Variants in HEBP2 observed in about 807,000 individuals in gnomAD.
HEBP2 encodes heme binding protein 2, also known as heme-binding protein 2.
A neutral mutation model predicts 23.1 loss-of-function variants in HEBP2; 27 were observed. The observed-to-expected ratio is 1.17, with a 90% CI of 0.86 to 1.61. The LOEUF (loss-of-function observed/expected upper bound fraction) is 1.61, where lower values mean the gene tolerates loss of function less well. HEBP2 is among the 40% of genes most tolerant of loss of function. HEBP2 has a pLI of 0.00. For synonymous variants in HEBP2, 99 were observed against 95.1 expected, an observed-to-expected ratio of 1.04 and a Z score of -0.24; for missense variants, 245 against 253.8, an observed-to-expected ratio of 0.97 and a Z score of 0.24.
At position 138,415,155 on chromosome 6, in the gene HEBP2, T is replaced by TA. The variant is rs1357854058; in HGVS notation, c.*2078dup. 2 of 152,284 alleles carry TA rather than the reference T, an allele frequency of 1.3e-5. No individual in the cohort carries two copies. The highest frequency in any genetic ancestry group is 4.8e-5 in the African/African-American group (2 of 41,468). 9.4% of individuals were successfully genotyped at this position (152,284 alleles called of 1,614,324 possible). The stretch of plus-strand genomic sequence containing the variant: ...GGCTGCTAGAGACTTTGTTAGATCC[T>TA]ACCGTTCCTCTGCTCAATCCTGCTT... On this transcript the variant is annotated 3_prime_UTR_variant, in exon 4 of 4. Transcript: ENST00000607197.
rs1443075218 is a variant in HEBP2, at chr6:138,419,257, A to AAT, written c.*6181_*6182dup. 3 of 152,182 alleles carry AAT rather than the reference A, an allele frequency of 2.0e-5. No homozygotes were observed. Among genetic ancestry groups the AAT allele is most frequent in the Admixed American group, 1.3e-4 (2 of 15,280 alleles). 9.4% of individuals were successfully genotyped at this position (152,182 alleles called of 1,614,324 possible). ...GTGACTATCCAACCTGCCTGCAACA[A>AAT]ATACCAATGCTGAGACCCTGATGAG... On this transcript the variant is annotated 3_prime_UTR_variant, in exon 4 of 4. Coordinates refer to ENST00000607197, the MANE Select transcript of HEBP2 (RefSeq NM_014320.3).
rs1774802393 is a variant in HEBP2 at position 138,414,175 on chromosome 6, G to C, written c.*1097G>C. 1 of 152,388 alleles carries C rather than the reference G, an allele frequency of 6.6e-6. No homozygotes were observed. The highest frequency in any genetic ancestry group is 2.4e-5 in the African/African-American group (1 of 41,446). 9.4% of individuals were successfully genotyped at this position (152,388 alleles called of 1,614,324 possible). On this transcript the variant is annotated 3_prime_UTR_variant, in exon 4 of 4. Coordinates refer to ENST00000607197, the MANE Select transcript of HEBP2 (RefSeq NM_014320.3). ...TTGGGCAGAGGTGACAGTGTTAAAGGGAGAGGCCACGTTCAGTACCCAGAA... is the reference window on the plus strand; with the variant it reads ...TTGGGCAGAGGTGACAGTGTTAAAGCGAGAGGCCACGTTCAGTACCCAGAA...
Position 138,404,561 on chromosome 6 carries a change from G to A in HEBP2, c.66G>A (p.Thr22=). ...AEDAAAQAVE[T]PGWKAPEDAG... ...ACGCGGCGGCCCAAGCTGTGGAGAC[G>A]CCGGGCTGGAAGGCCCCGGAGGACG... The change falls in exon 1 of 4, where the codon ACG becomes ACA. Residue 22 remains threonine, a synonymous_variant. Transcript: ENST00000607197. 7.7e-7 allele frequency: 1 copy of A among 1,300,230 alleles called. No homozygotes were observed. Among genetic ancestry groups the A allele is most frequent in the Non-Finnish European group, 9.8e-7 (1 of 1,023,410 alleles). The allele number at this position is 1,300,230 out of a possible 1,614,324, so 80.5% of individuals were successfully genotyped here.
chr6:138,407,961 GC>G (rs1774678756), intron 3 of HEBP2, among the ~76,000 whole-genome samples: 1 of 152,156 alleles, frequency 6.6e-6, no homozygotes, highest in African/African-American at 2.4e-5. Flanking sequence ...GAGTTCCAAG[GC>G]CCCCCAGGTG....
Position 138,417,982 on chromosome 6 carries a change from C to T in HEBP2, c.*4904C>T, listed in dbSNP as rs554937523. On this transcript the variant is annotated 3_prime_UTR_variant, in exon 4 of 4. Coordinates refer to ENST00000607197, the MANE Select transcript of HEBP2 (RefSeq NM_014320.3). ...GACCAAAGGCTTCTTTGGACTTCCC[C>T]TAACAAAGCTTAAAGACAAGCCTTG... The T allele has an allele frequency of 2.6e-5, 4 of 152,220 alleles. No homozygotes were observed. Among genetic ancestry groups the T allele is most frequent in the African/African-American group, 9.6e-5 (4 of 41,524 alleles). The allele number at this position is 152,220 out of a possible 1,614,324, so 9.4% of individuals were successfully genotyped here. A position where few individuals can be genotyped will look rare whatever the true frequency, so the allele number is the denominator to read the frequency against.
rs1774772112 is a variant in HEBP2, at chr6:138,412,863, T to C, written c.420-17T>C. 1 of 1,603,774 alleles carries C rather than the reference T, an allele frequency of 6.2e-7. No homozygotes were observed. Among genetic ancestry groups the C allele is most frequent in the African/African-American group, 1.3e-5 (1 of 74,766 alleles). ...AGTATTAAAATCATTCACGGTTATT[T>C]CCTTTCTCCTTTGTAGGTCTTTCGA... On this transcript the variant is annotated splice_polypyrimidine_tract_variant and intron_variant, in intron 3 of 3. Coordinates refer to ENST00000607197, the MANE Select transcript of HEBP2 (RefSeq NM_014320.3).
At chr6:138,409,172 A>G (rs150022275) in intron 3 of HEBP2, among the ~76,000 whole-genome samples, 75 of 152,168 alleles carry the variant, frequency 4.9e-4, no homozygotes, top group Middle Eastern at 6.8e-3. Flanking sequence ...TGCCACCACC[A>G]TGCCCAGCTA....
rs1774596553 is a variant in HEBP2 at position 138,404,409 on chromosome 6, CGGCGGGGCGCGCACACGCA to C, written c.-77_-59del. On this transcript the variant is annotated 5_prime_UTR_variant, in exon 1 of 4. Coordinates refer to ENST00000607197, the MANE Select transcript of HEBP2 (RefSeq NM_014320.3). ...TCTGCGGAGCGGGGACTCGGGGCCT[CGGCGGGGCGCGCACACGCA>C]GGCGGGGCGGCCCGGGGTGCGGGGC... 8.6e-6 allele frequency: 8 copies of C among 930,572 alleles called. No individual in the cohort carries two copies. The highest frequency in any genetic ancestry group is 1.7e-5 in the African/African-American group (1 of 57,276). The allele number at this position is 930,572 out of a possible 1,614,324, so 57.6% of individuals were successfully genotyped here.
intron 3 of HEBP2, among the ~76,000 whole-genome samples, chr6:138,409,480 C>T (rs1774707530): frequency 6.6e-6 from 1 of 152,242 alleles, no homozygotes. Flanking sequence ...AGGGACCGCA[C>T]TAAGTCATCT....
In HEBP2 at chr6:138,415,219, G is replaced by C. The variant is rs1372576330; in HGVS notation, c.*2141G>C. 2 of 152,112 alleles carry C rather than the reference G, an allele frequency of 1.3e-5. No individual in the cohort carries two copies. Among genetic ancestry groups the C allele is most frequent in the Non-Finnish European group, 2.9e-5 (2 of 68,060 alleles). 9.4% of individuals were successfully genotyped at this position (152,112 alleles called of 1,614,324 possible). On this transcript the variant is annotated 3_prime_UTR_variant, in exon 4 of 4. Coordinates refer to ENST00000607197, the MANE Select transcript of HEBP2 (RefSeq NM_014320.3). ...TCAGAGATGTCACTTCACCAGTTTT[G>C]TACTCCTAACTCCATCTCAGCCTAA...
chr6:138,404,581 A>G lies in HEBP2; in HGVS notation c.86A>G (p.Glu29Gly), dbSNP rs1319368235. ...GAGACGCCGGGCTGGAAGGCCCCGG[A>G]GGACGCCGGCCCCCAGGTAGGCGCC... ...AVETPGWKAP[E>G]DAGPQPGSYE... The change falls in exon 1 of 4, where the codon GAG becomes GGG. Residue 29 changes from glutamate (E) to glycine (G), a missense_variant. Coordinates refer to ENST00000607197, the MANE Select transcript of HEBP2 (RefSeq NM_014320.3). The G allele has an allele frequency of 2.3e-6, 3 of 1,299,398 alleles. No individual in the cohort carries two copies. Among genetic ancestry groups the G allele is most frequent in the Admixed American group, 8.1e-5 (2 of 24,562 alleles). The allele number at this position is 1,299,398 out of a possible 1,614,324, so 80.5% of individuals were successfully genotyped here. A position where few individuals can be genotyped will look rare whatever the true frequency, so the allele number is the denominator to read the frequency against.
In HEBP2 at chr6:138,419,425, C is replaced by T. The variant is rs765316579; in HGVS notation, c.*6347C>T. ...CCTTTCGGGCCTACAGGGTCCTGAACACAATCTAAGGACTTACAAAACATC... is the reference window on the plus strand; with the variant it reads ...CCTTTCGGGCCTACAGGGTCCTGAATACAATCTAAGGACTTACAAAACATC... On this transcript the variant is annotated 3_prime_UTR_variant, in exon 4 of 4. Transcript: ENST00000607197. 6.6e-6 allele frequency: 1 copy of T among 152,208 alleles called. No homozygotes were observed. The highest frequency in any genetic ancestry group is 1.5e-5 in the Non-Finnish European group (1 of 68,060). 9.4% of individuals were successfully genotyped at this position (152,208 alleles called of 1,614,324 possible).
chr6:138,411,995 C>A, intron 3 of HEBP2: 1 of 411,546 alleles, frequency 2.4e-6, no homozygotes, highest in South Asian at 1.7e-5. Context: ...GCTGCCAGAA[C>A]GTTGATCTCT....
At chr6:138,406,251 C>A in intron 3 of HEBP2, 100 bp downstream of exon 3, 1 of 1,065,406 alleles carries the variant, frequency 9.4e-7, no homozygotes, top group Non-Finnish European at 1.4e-6. Flanking sequence ...TTTCACCCTT[C>A]CATAAAATCA....
Position 138,417,246 on chromosome 6 carries a change from G to C in HEBP2, c.*4168G>C, listed in dbSNP as rs570388852. On this transcript the variant is annotated 3_prime_UTR_variant, in exon 4 of 4. Transcript: ENST00000607197. ...TGTATAATTGAGACTGACATCCTTG[G>C]CAGGCAGAATAACCCCTACATTTGT... 1 of 152,212 alleles carries C rather than the reference G, an allele frequency of 6.6e-6. No individual in the cohort carries two copies. The highest frequency in any genetic ancestry group is 6.5e-5 in the Admixed American group (1 of 15,284). The allele number at this position is 152,212 out of a possible 1,614,324, so 9.4% of individuals were successfully genotyped here. A position where few individuals can be genotyped will look rare whatever the true frequency, so the allele number is the denominator to read the frequency against.
rs1173971087 is a variant in HEBP2 at position 138,417,257 on chromosome 6, A to G, written c.*4179A>G. ...GACTGACATCCTTGGCAGGCAGAAT[A>G]ACCCCTACATTTGTTCCTTGACCTG... On this transcript the variant is annotated 3_prime_UTR_variant, in exon 4 of 4. Transcript: ENST00000607197. 6.6e-6 allele frequency: 1 copy of G among 152,244 alleles called. No individual in the cohort carries two copies. The highest frequency in any genetic ancestry group is 1.5e-5 in the Non-Finnish European group (1 of 68,038). 9.4% of individuals were successfully genotyped at this position (152,244 alleles called of 1,614,324 possible). A position where few individuals can be genotyped will look rare whatever the true frequency, so the allele number is the denominator to read the frequency against.
At chr6:138,407,758 A>G (rs1255874311) in intron 3 of HEBP2, among the ~76,000 whole-genome samples, 1 of 152,200 alleles carries the variant, frequency 6.6e-6, no homozygotes, top group Non-Finnish European at 1.5e-5. Flanking sequence ...GGAGGTAGCC[A>G]CACCCCCACA....
rs1379317567 is a variant in HEBP2 at position 138,418,756 on chromosome 6, T to C, written c.*5678T>C. On this transcript the variant is annotated 3_prime_UTR_variant, in exon 4 of 4. Transcript: ENST00000607197. Reference sequence around the variant, plus strand: ...ATCTTCTGTAGTTGCAAGCTGAAAATGGACCTTCACTCAAAGGTGACATTG... The same window carrying C: ...ATCTTCTGTAGTTGCAAGCTGAAAACGGACCTTCACTCAAAGGTGACATTG... 1.3e-5 allele frequency: 2 copies of C among 152,114 alleles called. No individual in the cohort carries two copies. The highest frequency in any genetic ancestry group is 2.9e-5 in the Non-Finnish European group (2 of 68,038). The allele number at this position is 152,114 out of a possible 1,614,324, so 9.4% of individuals were successfully genotyped here.
In HEBP2 at chr6:138,406,031, T is replaced by G. The variant is rs1448496912; in HGVS notation, c.299T>G (p.Phe100Cys). 1.2e-6 allele frequency: 2 copies of G among 1,614,164 alleles called. No individual in the cohort carries two copies. Among genetic ancestry groups the G allele is most frequent in the Admixed American group, 1.7e-5 (1 of 60,024 alleles). Residue 100 changes from phenylalanine (F) to cysteine (C), a missense_variant, in exon 3 of 4, where the codon TTT becomes TGT. Transcript: ENST00000607197. ...TACGTGGAGCCTGGTTCAGGTCCTTTTAGTGAGTCTACCATTACCATTTCC... is the reference window on the plus strand; with the variant it reads ...TACGTGGAGCCTGGTTCAGGTCCTTGTAGTGAGTCTACCATTACCATTTCC... ...TSYVEPGSGPFSESTITISLY... is the reference protein window; with the variant it reads ...TSYVEPGSGPCSESTITISLY...
Sources: allele counts gnomAD v4.1 joint callset (sites outside exome capture counted in the v4.1 genomes callset), GRCh38; gene constraint gnomAD v4.1.1; transcripts MANE v1.5; gene names NCBI Gene and HGNC (gene_info 2026-07-23, HGNC 2026-07-21).